The following KCNQ1 variants were observed in gnomAD, a reference collection of about 807,000 sequenced individuals.
The protein encoded by KCNQ1 is potassium voltage-gated channel subfamily Q member 1.
A neutral mutation model predicts 72.4 loss-of-function variants in KCNQ1; 49 were observed. That is an observed-to-expected ratio of 0.68 (90% confidence interval 0.54 to 0.86). The LOEUF (loss-of-function observed/expected upper bound fraction) is 0.86. Ranked by LOEUF, KCNQ1 falls within the 40% of genes least tolerant of loss-of-function variation. The pLI is 0.00. For synonymous variants in KCNQ1, 450 were observed against 412.6 expected (o/e 1.09, Z -1.10); for missense variants, 790 against 945.1 (o/e 0.84, Z 2.15).
At chr11:2,532,625 T>C (rs1847660063) in intron 2 of KCNQ1, among the ~76,000 whole-genome samples, 1 of 151,908 alleles carries the variant, frequency 6.6e-6, no homozygotes, top group African/African-American at 2.4e-5. Flanking sequence ...GACCACTTGC[T>C]TGGAGGAGGG....
chr11:2,586,573 G>A (rs1053012390), intron 8 of KCNQ1, among the ~76,000 whole-genome samples: 3 of 152,182 alleles, frequency 2.0e-5, no homozygotes. Context: ...GGGGCCCCAG[G>A]TGGCAGGTGT....
At chr11:2,622,414 T>G (rs1849189406) in intron 10 of KCNQ1, 1 of 398,288 alleles carries the variant, frequency 2.5e-6, no homozygotes, top group Admixed American at 4.4e-5. Flanking sequence ...TTTTCATTCT[T>G]TCACTTTCAA....
chr11:2,646,490 T>G (rs1849668210), intron 10 of KCNQ1: 1 of 398,548 alleles, frequency 2.5e-6, no homozygotes, highest in Non-Finnish European at 4.4e-6. Flanking sequence ...CTCTTTTGGC[T>G]AATTTGCTGT....
In KCNQ1 at chr11:2,495,949, G is replaced by T. The variant is rs768935244; in HGVS notation, c.387-31979G>T. ...ATTGACAGTGGAGTGTTAAAGTCTC[G>T]CACTGTTATTGAGTAGGAATATAAG... On this transcript the variant is annotated intron_variant, in intron 1 of 15. Coordinates refer to ENST00000155840, the MANE Select transcript of KCNQ1 (RefSeq NM_000218.3). The surrounding 1 kb of genome is among the most constrained non-coding windows in gnomAD (Gnocchi z 4.6). Among the ~76,000 whole-genome samples the T allele has an allele frequency of 2.0e-5, 3 of 152,066 alleles. No individual in the cohort carries two copies. The highest frequency in any genetic ancestry group is 1.3e-4 in the Admixed American group (2 of 15,260).
In KCNQ1 at chr11:2,445,114, T is replaced by C; in HGVS notation, c.16T>C (p.Ser6Pro). Residue 6 changes from serine to proline, a missense_variant, in exon 1 of 16, where the codon TCC becomes CCC. By Grantham distance (74) the Ser-to-Pro change is moderately conservative. Coordinates refer to ENST00000155840, the MANE Select transcript of KCNQ1 (RefSeq NM_000218.3). MAAAS[S>P]PPRAERKRWG... ...CCTCCTCGTTATGGCCGCGGCCTCCTCCCCGCCCAGGGCCGAGAGGAAGCG... is the reference window on the plus strand; with the variant it reads ...CCTCCTCGTTATGGCCGCGGCCTCCCCCCCGCCCAGGGCCGAGAGGAAGCG... 1 of 1,096,054 alleles carries C rather than the reference T, an allele frequency of 9.1e-7. No individual in the cohort carries two copies. Among genetic ancestry groups the C allele is most frequent in the East Asian group, 5.3e-5 (1 of 18,800 alleles). The allele number at this position is 1,096,054 out of a possible 1,614,324, so 67.9% of individuals were successfully genotyped here.
chr11:2,716,322 C>A lies in KCNQ1; in HGVS notation c.1515-52522C>A, dbSNP rs146308145. ...CCTCTGCATCAGATGTGCTGCGGCT[C>A]TCAAGGAACCCTCTAGGGCACAGCT... On this transcript the variant is annotated intron_variant, in intron 11 of 15. Transcript: ENST00000155840. 5.0e-3 allele frequency among the ~76,000 whole-genome samples: 756 copies of A among 152,262 alleles called. 9 individuals carry two copies. The highest frequency in any genetic ancestry group is 0.016 in the African/African-American group (664 of 41,538).
At chr11:2,757,409 A>G (rs1222069685) in intron 11 of KCNQ1, among the ~76,000 whole-genome samples, 1 of 152,248 alleles carries the variant, frequency 6.6e-6, no homozygotes, top group African/African-American at 2.4e-5. Context: ...ACAATATGCC[A>G]ATGAAAGAAA....
In KCNQ1 at chr11:2,696,877, GGTTT is replaced by G. The variant is rs546141113; in HGVS notation, c.1514+34801_1514+34804del. On this transcript the variant is annotated intron_variant, in intron 11 of 15. Coordinates refer to ENST00000155840, the MANE Select transcript of KCNQ1 (RefSeq NM_000218.3). ...AGTTGCTATTGGCATAAAGAAATGT[GGTTT>G]GTTTTTGTTTTTTGTTTTGAGTACA... 7.9e-4 allele frequency: 316 copies of G among 398,328 alleles called. 1 individual carries two copies. The highest frequency in any genetic ancestry group is 6.1e-3 in the African/African-American group (298 of 48,668). The allele number at this position is 398,328 out of a possible 1,614,324, so 24.7% of individuals were successfully genotyped here.
chr11:2,520,457 T>C (rs896119002), intron 1 of KCNQ1, among the ~76,000 whole-genome samples: 1 of 152,148 alleles, frequency 6.6e-6, no homozygotes, highest in African/African-American at 2.4e-5. Flanking sequence ...TGTGGGGACC[T>C]TGGCGACCTC....
At chr11:2,733,044 C>T (rs975677374) in intron 11 of KCNQ1, among the ~76,000 whole-genome samples, 1 of 152,160 alleles carries the variant, frequency 6.6e-6, no homozygotes, top group Non-Finnish European at 1.5e-5. Flanking sequence ...AGCCCATCCT[C>T]CACCTGGAGC....
At position 2,809,036 on chromosome 11, in the gene KCNQ1, G is replaced by T. The variant is rs1847433249; in HGVS notation, c.1794+30999G>T. On this transcript the variant is annotated intron_variant, in intron 15 of 15. Transcript: ENST00000155840. The surrounding 1 kb of genome is among the most constrained non-coding windows in gnomAD (Gnocchi z 7.1). ...GGATAAATGGAGGAATGGAGGAATG[G>T]ATGGATGGAGGGGTGGGTAGGTGGG... Among the ~76,000 whole-genome samples the T allele has an allele frequency of 7.4e-6, 1 of 135,466 alleles. No individual in the cohort carries two copies. The highest frequency in any genetic ancestry group is 7.7e-5 in the Admixed American group (1 of 13,014). The allele number at this position is 135,466 out of a possible 152,430, so 88.9% of individuals were successfully genotyped here.
intron 11 of KCNQ1, chr11:2,672,345 A>T (rs1850200351): frequency 2.5e-6 from 1 of 398,514 alleles, no homozygotes. Flanking sequence ...GTGCAGAAGC[A>T]GTGTGGTGGG....
At chr11:2,804,682 G>A (rs1359059572) in intron 15 of KCNQ1, among the ~76,000 whole-genome samples, 6 of 152,244 alleles carry the variant, frequency 3.9e-5, no homozygotes, top group African/African-American at 1.2e-4. Flanking sequence ...GCGTGAAGCT[G>A]CAGCCACCAT....
In KCNQ1 at chr11:2,477,537, T is replaced by A. The variant is rs909091468; in HGVS notation, c.386+32053T>A. 1.3e-5 allele frequency among the ~76,000 whole-genome samples: 2 copies of A among 151,976 alleles called. No homozygotes were observed. Among genetic ancestry groups the A allele is most frequent in the Non-Finnish European group, 2.9e-5 (2 of 67,994 alleles). On this transcript the variant is annotated intron_variant, in intron 1 of 15. Transcript: ENST00000155840. The surrounding 1 kb of genome is among the most constrained non-coding windows in gnomAD (Gnocchi z 5.0). ...AGAAAAGAAAACTACAGACCAGTGA[T>A]ATGTACACAGAGAGCAATGAAAATC...
intron 11 of KCNQ1, among the ~76,000 whole-genome samples, chr11:2,733,843 C>CTCTCTA (rs2133944010): frequency 2.6e-5 from 1 of 38,778 alleles, no homozygotes; most frequent in African/African-American, 2.0e-4. Flanking sequence ...CTCTCTCTCT[C>CTCTCTA]TCTCTCTCTC....
chr11:2,830,119 A>G lies in KCNQ1; in HGVS notation c.1795-17648A>G, dbSNP rs1847917062. Among the ~76,000 whole-genome samples the G allele has an allele frequency of 6.6e-6, 1 of 151,974 alleles. No individual in the cohort carries two copies. Among genetic ancestry groups the G allele is most frequent in the South Asian group, 2.1e-4 (1 of 4,820 alleles). On this transcript the variant is annotated intron_variant, in intron 15 of 15. Transcript: ENST00000155840. This position sits in a 1 kb window ranked among gnomAD's most constrained non-coding sequence, Gnocchi z 7.7. ...AGCTCTGAGAGGGGAAGGTGGGTGC[A>G]TGCCACCCTGGCTGGGAACAGCAGG...
chr11:2,814,730 G>A (rs1249942133), intron 15 of KCNQ1, among the ~76,000 whole-genome samples: 1 of 152,134 alleles, frequency 6.6e-6, no homozygotes, highest in Non-Finnish European at 1.5e-5. Flanking sequence ...TCAAGCAAGG[G>A]TGTCTCCCTT....
intron 1 of KCNQ1, among the ~76,000 whole-genome samples, chr11:2,525,361 G>A (rs1008214180): frequency 2.0e-5 from 3 of 152,216 alleles, no homozygotes; most frequent in Admixed American, 6.5e-5. Context: ...TGGCCCGGAG[G>A]CTCCAGCTGT....
At chr11:2,688,723 G>A in intron 11 of KCNQ1, 1 of 398,988 alleles carries the variant, frequency 2.5e-6, no homozygotes, top group South Asian at 1.3e-4. Context: ...CAAATTGGGT[G>A]GCCCGGCTCT....
Sources: allele counts gnomAD v4.1 joint callset (sites outside exome capture counted in the v4.1 genomes callset), GRCh38; gene constraint gnomAD v4.1.1; non-coding constraint Gnocchi (gnomAD v3.1); transcripts MANE v1.5; gene names NCBI Gene and HGNC (gene_info 2026-07-23, HGNC 2026-07-21).